ANKRD36: variants seen among roughly 807,000 people sequenced by gnomAD.
ANKRD36 encodes the protein ankyrin repeat domain 36.
A neutral mutation model predicts 278.1 loss-of-function variants in ANKRD36; 179 were observed. The observed-to-expected ratio is 0.64, with a 90% CI of 0.57 to 0.73. ANKRD36 has a LOEUF of 0.73. Ranked by LOEUF, ANKRD36 falls within the 30% of genes least tolerant of loss-of-function variation. The pLI, the probability that ANKRD36 is intolerant of heterozygous loss-of-function variation, is 0.00. For missense variants in ANKRD36, 1,159 were observed against 1,956.7 expected (o/e 0.59, Z 7.69); for synonymous variants, 320 against 641.1 (o/e 0.50, Z 7.57).
chr2:97,155,689 G>A (rs556593561), intron 15 of ANKRD36, among the ~76,000 whole-genome samples: 74 of 145,958 alleles, frequency 5.1e-4, no homozygotes, highest in African/African-American at 1.7e-3. Context: ...TCCACTCAGG[G>A]TCTTTGTATC....
chr2:97,120,756 G>A (rs2036576376), intron 3 of ANKRD36, among the ~76,000 whole-genome samples: 1 of 152,044 alleles, frequency 6.6e-6, no homozygotes, highest in African/African-American at 2.4e-5. Context: ...ATTGCTTGGA[G>A]ACATATCCAT....
At chr2:97,131,150 A>T (rs2040035803) in intron 6 of ANKRD36, among the ~76,000 whole-genome samples, 1 of 151,658 alleles carries the variant, frequency 6.6e-6, no homozygotes, top group African/African-American at 2.4e-5. Context: ...ATATTTGGTC[A>T]GTTGGATTAC....
chr2:97,142,142 G>A (rs1371988113), intron 6 of ANKRD36, among the ~76,000 whole-genome samples: 2 of 152,224 alleles, frequency 1.3e-5, no homozygotes, highest in African/African-American at 4.8e-5. Context: ...CTGAGGAGAT[G>A]TGAAGTGTAC....
intron 66 of ANKRD36, among the ~76,000 whole-genome samples, chr2:97,222,882 A>G (rs1471510224): frequency 1.3e-5 from 2 of 152,068 alleles, no homozygotes; most frequent in Non-Finnish European, 2.9e-5. Context: ...TAATAAGATC[A>G]CAGTTCCATG....
At chr2:97,142,081 A>C (rs993223251) in intron 6 of ANKRD36, among the ~76,000 whole-genome samples, 1 of 152,406 alleles carries the variant, frequency 6.6e-6, no homozygotes, top group Admixed American at 6.5e-5. Context: ...AATACTGTCT[A>C]CTAGGATTCA....
Position 97,185,455 on chromosome 2 carries a change from A to G in ANKRD36, c.1986A>G (p.Thr662=). The G allele has an allele frequency of 4.3e-6, 7 of 1,610,942 alleles. No homozygotes were observed. Among genetic ancestry groups the G allele is most frequent in the Non-Finnish European group, 5.9e-6 (7 of 1,178,512 alleles). ...QPASKATSDK[T]DSALNIATEI... ...ACTTTCAGGCTACAAGTGACAAGAC[A>G]GATTCTGCTTTGAATATAGCTACAG... The change falls in exon 30 of 76, where the codon ACA becomes ACG. Residue 662 remains threonine, a synonymous_variant. Transcript: ENST00000420699.
intron 14 of ANKRD36, among the ~76,000 whole-genome samples, chr2:97,154,184 TAA>T (rs2046861644): frequency 8.3e-6 from 1 of 120,308 alleles, no homozygotes; most frequent in African/African-American, 2.9e-5. Flanking sequence ...GCTGAAGATC[TAA>T]GACTCCCATT....
intron 20 of ANKRD36, among the ~76,000 whole-genome samples, chr2:97,165,029 C>T (rs3925380): frequency 0.49 from 67,760 of 138,886 alleles, 18,830 homozygotes; most frequent in Non-Finnish European, 0.7. Flanking sequence ...AACAATGATT[C>T]TGAGCTGTTT....
intron 6 of ANKRD36, among the ~76,000 whole-genome samples, chr2:97,134,298 A>G (rs1454381339): frequency 6.6e-6 from 1 of 152,102 alleles, no homozygotes; most frequent in Non-Finnish European, 1.5e-5. Flanking sequence ...GAAAAAGCAT[A>G]ATTTATATAG....
At chr2:97,115,825 C>T (rs1359360705) in intron 1 of ANKRD36, among the ~76,000 whole-genome samples, 1 of 151,048 alleles carries the variant, frequency 6.6e-6, no homozygotes, top group Non-Finnish European at 1.5e-5. Context: ...AATAGAGATA[C>T]ATGCAATTTG....
chr2:97,141,477 CTAAGTA>C (rs1371362473), intron 6 of ANKRD36, among the ~76,000 whole-genome samples: 9 of 131,472 alleles, frequency 6.8e-5, no homozygotes, highest in African/African-American at 2.0e-4. Context: ...AATTATGACT[CTAAGTA>C]TAACTGAACT....
At position 97,206,133 on chromosome 2, in the gene ANKRD36, C is replaced by G. The variant is rs755325852; in HGVS notation, c.3161C>G (p.Thr1054Arg). 2.6e-6 allele frequency: 4 copies of G among 1,535,824 alleles called. No homozygotes were observed. The highest frequency in any genetic ancestry group is 2.4e-5 in the East Asian group (1 of 40,992). The change falls in exon 52 of 76, where the codon ACA (threonine) becomes AGA (arginine). Residue 1054 changes from threonine to arginine, a missense_variant and splice_region_variant. By Grantham distance (71) the Thr-to-Arg change is moderately conservative. Coordinates refer to ENST00000420699, the MANE Select transcript of ANKRD36 (RefSeq NM_001354587.1). ...AACAAGGATGGAGAAAAATCTAGGA[C>G]AGGTAATTCTGAAAACAGATTTAAT... Reference protein sequence around the residue: ...RENKDGEKSRTVSSEKPSGLK... With the variant: ...RENKDGEKSRRVSSEKPSGLK...
At chr2:97,167,314 G>A (rs1381662360) in intron 20 of ANKRD36, among the ~76,000 whole-genome samples, 1 of 152,228 alleles carries the variant, frequency 6.6e-6, no homozygotes, top group Non-Finnish European at 1.5e-5. Context: ...GAGAACTATT[G>A]TAGTATTATA....
intron 46 of ANKRD36, among the ~76,000 whole-genome samples, chr2:97,201,020 A>T (rs550907186): frequency 2.0e-5 from 3 of 151,870 alleles, no homozygotes; most frequent in Admixed American, 2.0e-4. Context: ...GAAGTCATTT[A>T]TATAATTTTG....
At chr2:97,243,483 G>T (rs1177602485) in intron 69 of ANKRD36, among the ~76,000 whole-genome samples, 1 of 104,138 alleles carries the variant, frequency 9.6e-6, no homozygotes, top group African/African-American at 3.1e-5. Context: ...GGACCCAAAA[G>T]GGTGCCTGGC....
At chr2:97,204,044 T>G in intron 48 of ANKRD36, 24 bp from the exon 49 acceptor site, 2 of 1,562,120 alleles carry the variant, frequency 1.3e-6, no homozygotes, top group African/African-American at 1.4e-5. Context: ...ATATGAGTGA[T>G]TAGGAATCCC....
chr2:97,158,608 G>C lies in ANKRD36; in HGVS notation c.1342G>C (p.Asp448His), dbSNP rs1470689975. 1 of 1,533,186 alleles carries C rather than the reference G, an allele frequency of 6.5e-7. No individual in the cohort carries two copies. The highest frequency in any genetic ancestry group is 8.7e-7 in the Non-Finnish European group (1 of 1,145,758). The allele number at this position is 1,533,186 out of a possible 1,614,324, so 95.0% of individuals were successfully genotyped here. ...AENLDAACGI[D>H]KTENGNMFED... is the part of the protein sequence containing the mutation. The stretch of plus-strand genomic sequence containing the variant: ...TGTAGTAGATGCTGCATGTGGCATT[G>C]ACAAAACAGAAAATGGAAACATGTT... Residue 448 changes from aspartate to histidine, a missense_variant, in exon 17 of 76, where the codon GAC becomes CAC. Asp to His is a moderately conservative substitution (Grantham distance 81, BLOSUM62 -1). Coordinates refer to ENST00000420699, the MANE Select transcript of ANKRD36 (RefSeq NM_001354587.1).
At chr2:97,169,114 C>T (rs1045424777) in intron 22 of ANKRD36, among the ~76,000 whole-genome samples, 7 of 152,312 alleles carry the variant, frequency 4.6e-5, no homozygotes, top group Non-Finnish European at 4.4e-5. Context: ...TCCTCTCCAG[C>T]ATCTGTTGTT....
rs111990428 is a variant in ANKRD36 at position 97,189,847 on chromosome 2, T to C, written c.2245+557T>C. On this transcript the variant is annotated intron_variant, in intron 34 of 75. Transcript: ENST00000420699. ...GAAATCTGAGTGAACTCACTTCACA[T>C]GCATTTGGAATATGTGCCTAAAAAA... 5.3e-3 allele frequency among the ~76,000 whole-genome samples: 442 copies of C among 83,564 alleles called. 88 individuals are homozygous for C. Among genetic ancestry groups the C allele is most frequent in the Middle Eastern group, 0.043 (7 of 164 alleles). The allele number at this position is 83,564 out of a possible 152,430, so 54.8% of individuals were successfully genotyped here.
Sources: gnomAD v4.1 joint callset for allele counts (sites outside exome capture counted in the v4.1 genomes callset) on GRCh38, gnomAD v4.1.1 for gene constraint, MANE v1.5 for transcripts, NCBI Gene and HGNC (gene_info 2026-07-23, HGNC 2026-07-21) for gene names.